The following BTBD9 variants were observed in gnomAD, a reference collection of about 807,000 sequenced individuals.
BTBD9 encodes the protein BTB/POZ domain-containing protein 9.
A neutral mutation model predicts 64.3 loss-of-function variants in BTBD9; 49 were observed. That is an observed-to-expected ratio of 0.76 (90% confidence interval 0.61 to 0.97). BTBD9 has a LOEUF of 0.97. Ranked by LOEUF, BTBD9 falls within the 50% of genes least tolerant of loss-of-function variation. The pLI is 0.00. For synonymous variants in BTBD9, 260 were observed against 274.7 expected, an observed-to-expected ratio of 0.95 and a Z score of 0.53; for missense variants, 598 against 762.1, an observed-to-expected ratio of 0.78 and a Z score of 2.53.
intron 6 of BTBD9, among the ~76,000 whole-genome samples, chr6:38,369,730 C>G (rs1562088945): frequency 6.6e-6 from 1 of 152,206 alleles, no homozygotes; most frequent in Admixed American, 6.5e-5. Flanking sequence ...CCTTCTGGTG[C>G]CGCGCTACCT....
Position 38,286,082 on chromosome 6 carries a change from C to G in BTBD9, c.1454+2190G>C, listed in dbSNP as rs1479739841. 3.3e-5 allele frequency among the ~76,000 whole-genome samples: 5 copies of G among 152,130 alleles called. No homozygotes were observed. The East Asian group carries it at 9.7e-4, about 29-fold the overall frequency. ...TGTACAGGTAGCTGATGTGGCTTGT[C>G]TCTTTCCCTCCCTAAGCACAAAGTA... On this transcript the variant is annotated intron_variant, in intron 8 of 10. Transcript: ENST00000481247.
At chr6:38,573,778 G>A (rs1023644108) in intron 6 of BTBD9, among the ~76,000 whole-genome samples, 2 of 152,040 alleles carry the variant, frequency 1.3e-5, no homozygotes, top group African/African-American at 4.8e-5. Context: ...GCACCATGTT[G>A]AGGAATAGCT....
chr6:38,570,208 A>G, intron 6 of BTBD9, among the ~76,000 whole-genome samples: 1 of 152,128 alleles, frequency 6.6e-6, no homozygotes, highest in South Asian at 2.1e-4. Context: ...GAATTTGGCC[A>G]CAGCAGGTCC....
At chr6:38,512,781 A>G (rs1203888111) in intron 6 of BTBD9, among the ~76,000 whole-genome samples, 1 of 152,236 alleles carries the variant, frequency 6.6e-6, no homozygotes, top group African/African-American at 2.4e-5. Flanking sequence ...ATTACAAACC[A>G]TTCTTTATAT....
At position 38,344,966 on chromosome 6, in the gene BTBD9, T is replaced by C. The variant is rs77629380; in HGVS notation, c.1264+18A>G. 1 of 1,456,892 alleles carries C rather than the reference T, an allele frequency of 6.9e-7. No individual in the cohort carries two copies. Among genetic ancestry groups the C allele is most frequent in the Non-Finnish European group, 9.5e-7 (1 of 1,050,346 alleles). 90.2% of individuals were successfully genotyped at this position (1,456,892 alleles called of 1,614,324 possible). On this transcript the variant is annotated intron_variant, in intron 7 of 10. Transcript: ENST00000481247. ...AAATATCCAAATATACATACAAAAA[T>C]CTAATGGTAATACTTACCTATCAGC...
intron 6 of BTBD9, among the ~76,000 whole-genome samples, chr6:38,380,838 C>T (rs1765902791): frequency 6.6e-6 from 1 of 152,082 alleles, no homozygotes; most frequent in Non-Finnish European, 1.5e-5. Context: ...GAGCGAGACC[C>T]TGTCTCTACA....
intron 5 of BTBD9, among the ~76,000 whole-genome samples, chr6:38,578,528 T>C (rs1367680953): frequency 6.6e-6 from 1 of 152,206 alleles, no homozygotes; most frequent in African/African-American, 2.4e-5. Context: ...TGACCATAAA[T>C]GTCATCCTGC....
chr6:38,316,190 T>TCA (rs1763022342), intron 7 of BTBD9, among the ~76,000 whole-genome samples: 2 of 152,232 alleles, frequency 1.3e-5, no homozygotes, highest in African/African-American at 4.8e-5. Flanking sequence ...TTTCAGTCTA[T>TCA]GTGTTTCTTT....
At chr6:38,274,230 G>C (rs1235056995) in intron 8 of BTBD9, among the ~76,000 whole-genome samples, 1 of 152,194 alleles carries the variant, frequency 6.6e-6, no homozygotes, top group Non-Finnish European at 1.5e-5. Context: ...CATTGATTTT[G>C]TATCCTAAGA....
At chr6:38,175,319 C>T (rs189799959) in intron 10 of BTBD9, 137 bp from the exon 11 acceptor site, 12 of 812,476 alleles carry the variant, frequency 1.5e-5, no homozygotes, top group East Asian at 2.6e-5. Context: ...CCACTGCCCA[C>T]GCCTGCCCCG....
At chr6:38,251,871 G>A in intron 9 of BTBD9, among the ~76,000 whole-genome samples, 1 of 146,352 alleles carries the variant, frequency 6.8e-6, no homozygotes. Flanking sequence ...CAGCTTGGGT[G>A]ACAGAGTGAG....
chr6:38,212,323 T>G (rs1317170868), intron 9 of BTBD9, among the ~76,000 whole-genome samples: 2 of 152,052 alleles, frequency 1.3e-5, no homozygotes, highest in African/African-American at 4.8e-5. Flanking sequence ...GGGGCTGTGG[T>G]TTCATGTGTG....
intron 10 of BTBD9, among the ~76,000 whole-genome samples, chr6:38,185,213 A>G (rs1761765719): frequency 6.6e-6 from 1 of 152,170 alleles, no homozygotes; most frequent in African/African-American, 2.4e-5. Context: ...TGATGTCTCT[A>G]CCATCAATCA....
At chr6:38,368,350 G>A (rs189348190) in intron 6 of BTBD9, among the ~76,000 whole-genome samples, 28 of 152,034 alleles carry the variant, frequency 1.8e-4, no homozygotes, top group Admixed American at 3.3e-4. Context: ...TTTAGGGGGC[G>A]GGGGAATGGA....
chr6:38,528,421 G>A (rs866137270), intron 6 of BTBD9, among the ~76,000 whole-genome samples: 4 of 152,116 alleles, frequency 2.6e-5, no homozygotes, highest in South Asian at 2.1e-4. Context: ...TGGGGGGCAC[G>A]TGACCCAGTG....
At chr6:38,300,686 T>C (rs749392324) in intron 7 of BTBD9, among the ~76,000 whole-genome samples, 2 of 152,218 alleles carry the variant, frequency 1.3e-5, no homozygotes, top group African/African-American at 4.8e-5. Flanking sequence ...ATAAGAATGT[T>C]TGTGATTTTT....
chr6:38,415,617 A>G (rs1375690294), intron 6 of BTBD9, among the ~76,000 whole-genome samples: 2 of 152,204 alleles, frequency 1.3e-5, no homozygotes, highest in Non-Finnish European at 2.9e-5. Flanking sequence ...CCAAGGTAGA[A>G]GGTGGAGAGT....
At chr6:38,246,857 G>A (rs1376402924) in intron 9 of BTBD9, among the ~76,000 whole-genome samples, 1 of 152,162 alleles carries the variant, frequency 6.6e-6, no homozygotes, top group Non-Finnish European at 1.5e-5. Context: ...TGGGATTTAT[G>A]CGACAGTCAA....
intron 7 of BTBD9, among the ~76,000 whole-genome samples, chr6:38,305,672 T>TGGGGTTTCA (rs908697970): frequency 1.3e-5 from 2 of 152,012 alleles, no homozygotes; most frequent in Admixed American, 1.3e-4. Flanking sequence ...TTAGTAGAGA[T>TGGGGTTTCA]GGGGTTTCAC....
Sources: gnomAD v4.1 joint callset for allele counts (sites outside exome capture counted in the v4.1 genomes callset) on GRCh38, gnomAD v4.1.1 for gene constraint, MANE v1.5 for transcripts, NCBI Gene and HGNC (gene_info 2026-07-23, HGNC 2026-07-21) for gene names.